Variants in DMD observed in about 807,000 individuals in gnomAD.
The protein encoded by DMD is mutant dystrophin.
In DMD, 63 loss-of-function variants were observed where a neutral mutation model predicts 330.1. The observed-to-expected ratio is 0.19, with a 90% confidence interval of 0.16 to 0.24. The LOEUF (loss-of-function observed/expected upper bound fraction) is 0.24, where lower values mean the gene tolerates loss of function less well. DMD is among the 10% of genes least tolerant of loss of function. The pLI, the probability that DMD is intolerant of heterozygous loss-of-function variation, is 1.00. For synonymous variants in DMD, 1,223 were observed against 959.8 expected, an observed-to-expected ratio of 1.27 and a Z score of -5.07; for missense variants, 3,344 against 2,684.1, an observed-to-expected ratio of 1.25 and a Z score of -5.43.
intron 6 of DMD, among the ~76,000 whole-genome samples, chrX:32,812,010 G>T (rs1384417203): frequency 9.0e-6 from 1 of 111,549 alleles, no homozygotes; most frequent in Non-Finnish European, 1.9e-5. Context: ...AGGTTTAAAA[G>T]AAAGAAACTG....
intron 47 of DMD, among the ~76,000 whole-genome samples, chrX:31,908,275 T>C (rs1331618503): frequency 8.9e-6 from 1 of 111,974 alleles, no homozygotes; most frequent in Admixed American, 9.5e-5. Context: ...CGTATGTTTA[T>C]TGCGGCACTA....
At chrX:33,001,655 G>A (rs1341055894) in intron 2 of DMD, among the ~76,000 whole-genome samples, 1 of 110,975 alleles carries the variant, frequency 9.0e-6, no homozygotes, top group Non-Finnish European at 1.9e-5. Flanking sequence ...AAAAGAATTG[G>A]TTGAAGACAA....
At chrX:32,582,425 A>G (rs1242299916) in intron 13 of DMD, among the ~76,000 whole-genome samples, 2 of 112,087 alleles carry the variant, frequency 1.8e-5, no homozygotes, top group Non-Finnish European at 3.8e-5. Flanking sequence ...CAAGAAATAA[A>G]TCTCAGAGAA....
intron 61 of DMD, among the ~76,000 whole-genome samples, chrX:31,336,552 C>T (rs1489841532): frequency 8.9e-6 from 1 of 112,507 alleles, no homozygotes; most frequent in African/African-American, 3.2e-5. Flanking sequence ...AATTATCTGG[C>T]CCCAAATGCC....
chrX:32,244,325 G>A (rs750416797), intron 43 of DMD, among the ~76,000 whole-genome samples: 4 of 98,241 alleles, frequency 4.1e-5, no homozygotes, highest in Non-Finnish European at 8.2e-5. Flanking sequence ...ATTCCATGGT[G>A]TATATGTGCC....
intron 15 of DMD, among the ~76,000 whole-genome samples, chrX:32,568,633 A>C (rs1388692839): frequency 8.9e-6 from 1 of 111,816 alleles, no homozygotes; most frequent in Admixed American, 9.5e-5. Context: ...AAAACACTGA[A>C]CCCAGACTTA....
At chrX:31,549,949 C>A (rs960539077) in intron 55 of DMD, among the ~76,000 whole-genome samples, 1 of 112,297 alleles carries the variant, frequency 8.9e-6, no homozygotes, top group African/African-American at 3.2e-5. Context: ...AGAAACCACA[C>A]CATAGGTTAA....
At chrX:33,184,490 C>T (rs890348616) in intron 1 of DMD, among the ~76,000 whole-genome samples, 1 of 110,840 alleles carries the variant, frequency 9.0e-6, no homozygotes, top group African/African-American at 3.3e-5. Flanking sequence ...AACTGTTCTA[C>T]CTCTACAAAA....
intron 60 of DMD, among the ~76,000 whole-genome samples, chrX:31,382,298 T>C (rs1779857400): frequency 9.0e-6 from 1 of 111,533 alleles, no homozygotes; most frequent in African/African-American, 3.3e-5. Flanking sequence ...TCCTTTTTAT[T>C]AGGCCCCAGT....
rs931297243 is a variant in DMD at position 32,438,935 on chromosome X, T to A, written c.3922-545A>T. ...GAACCATCCTCAACCCTGAGTAACC[T>A]CCCTTCACTATTCTTTTCGTGGTGA... is the stretch of plus-strand genomic sequence containing the variant. On this transcript the variant is annotated intron_variant, in intron 28 of 78. Coordinates refer to ENST00000357033, the MANE Select transcript of DMD (RefSeq NM_004006.3). Among the ~76,000 whole-genome samples the A allele has an allele frequency of 7.2e-5, 8 of 111,414 alleles. No individual in the cohort carries two copies. In the Admixed American group the frequency reaches 7.7e-4, roughly 11 times the overall value.
chrX:32,520,359 T>A (rs941963091), intron 17 of DMD, among the ~76,000 whole-genome samples: 11 of 112,488 alleles, frequency 9.8e-5, no homozygotes, highest in Admixed American at 2.8e-4. Context: ...TATATTTCAA[T>A]CATCTTTTAT....
At chrX:31,261,147 G>A (rs755567607) in intron 62 of DMD, 131 bp from the exon 63 acceptor site, 15 of 558,722 alleles carry the variant, frequency 2.7e-5, no homozygotes, top group African/African-American at 1.8e-4. Context: ...ATTTCAAAGC[G>A]CTTCCATAGT....
At chrX:32,671,081 C>T (rs1314742104) in intron 9 of DMD, among the ~76,000 whole-genome samples, 2 of 110,788 alleles carry the variant, frequency 1.8e-5, no homozygotes, top group Admixed American at 1.9e-4. Flanking sequence ...AATATATACT[C>T]AGCTACAAGT....
At chrX:33,279,246 G>A (rs922268530) in intron 1 of DMD, among the ~76,000 whole-genome samples, 1 of 111,966 alleles carries the variant, frequency 8.9e-6, no homozygotes, top group Non-Finnish European at 1.9e-5. Context: ...AATAAAAATA[G>A]AAATCAATAC....
intron 1 of DMD, among the ~76,000 whole-genome samples, chrX:33,185,936 C>T (rs1035026948): frequency 8.9e-6 from 1 of 112,196 alleles, no homozygotes; most frequent in Non-Finnish European, 1.9e-5. Flanking sequence ...CTGCAGGATT[C>T]CAGAGCATCT....
At chrX:33,244,853 A>T (rs140643847) in intron 1 of DMD, among the ~76,000 whole-genome samples, 1,228 of 111,846 alleles carry the variant, frequency 0.011, 23 homozygotes, top group African/African-American at 0.038. Flanking sequence ...ATAACTTGCT[A>T]TACAATTAAT....
intron 29 of DMD, among the ~76,000 whole-genome samples, chrX:32,420,899 G>C (rs374578384): frequency 2.2e-4 from 25 of 111,412 alleles, no homozygotes; most frequent in East Asian, 2.0e-3. Context: ...ATCTCTGCTG[G>C]ATTCCTTCTA....
At chrX:32,450,676 T>A (rs759970144) in intron 26 of DMD, among the ~76,000 whole-genome samples, 3 of 110,722 alleles carry the variant, frequency 2.7e-5, no homozygotes, top group Non-Finnish European at 3.8e-5. Context: ...CAGAGTTATA[T>A]CCTCTCTTTC....
intron 1 of DMD, among the ~76,000 whole-genome samples, chrX:33,151,385 T>C (rs759110728): frequency 8.9e-6 from 1 of 112,864 alleles, no homozygotes; most frequent in East Asian, 2.8e-4. Flanking sequence ...GAATATTATT[T>C]CTGCTTTTCT....
Sources: allele counts gnomAD v4.1 joint callset (sites outside exome capture counted in the v4.1 genomes callset), GRCh38; gene constraint gnomAD v4.1.1; transcripts MANE v1.5; gene names NCBI Gene and HGNC (gene_info 2026-07-23, HGNC 2026-07-21).